BCKDHB: variants seen among roughly 807,000 people sequenced by gnomAD.
BCKDHB encodes the protein 2-oxoisovalerate dehydrogenase subunit beta, mitochondrial.
Under a neutral mutation model 48.5 loss-of-function variants are expected in BCKDHB, and 41 were observed. The observed-to-expected ratio is 0.85, with a 90% confidence interval of 0.66 to 1.10. The LOEUF (loss-of-function observed/expected upper bound fraction) is 1.10, where lower values mean the gene tolerates loss of function less well. BCKDHB is among the 50% of genes least tolerant of loss of function. BCKDHB has a pLI of 0.00. For missense variants in BCKDHB, 496 were observed against 494.2 expected, an observed-to-expected ratio of 1.00 and a Z score of -0.03; for synonymous variants, 201 against 174.8, an observed-to-expected ratio of 1.15 and a Z score of -1.18.
the BCKDHB span, among the ~76,000 whole-genome samples, chr6:80,436,639 T>A: frequency 1.3e-5 from 2 of 152,202 alleles, no homozygotes; most frequent in South Asian, 4.1e-4. Context: ...TTTAGAGGAA[T>A]TTTTAAGCCT....
chr6:80,254,057 T>TA (rs1416940205), intron 8 of BCKDHB, among the ~76,000 whole-genome samples: 1 of 152,020 alleles, frequency 6.6e-6, no homozygotes, highest in Non-Finnish European at 1.5e-5. Context: ...GTTTATGTTT[T>TA]ATCGAGGCAT....
chr6:80,290,207 A>T (rs1277933702), intron 9 of BCKDHB, among the ~76,000 whole-genome samples: 1 of 151,926 alleles, frequency 6.6e-6, no homozygotes, highest in African/African-American at 2.4e-5. Flanking sequence ...TGTGGCCAGC[A>T]CTCAAGTCAG....
the BCKDHB span, among the ~76,000 whole-genome samples, chr6:80,388,513 G>GAAA: frequency 6.6e-6 from 1 of 152,158 alleles, no homozygotes; most frequent in African/African-American, 2.4e-5. Flanking sequence ...ATCATGAACT[G>GAAA]GGTGCTTTCT....
chr6:80,125,304 G>A (rs938133807), intron 1 of BCKDHB, among the ~76,000 whole-genome samples: 1 of 152,116 alleles, frequency 6.6e-6, no homozygotes, highest in Non-Finnish European at 1.5e-5. Flanking sequence ...ACTTGCCCTG[G>A]ATTAGGCTTT....
At chr6:80,411,387 G>T in the BCKDHB span, among the ~76,000 whole-genome samples, 2 of 152,306 alleles carry the variant, frequency 1.3e-5, no homozygotes, top group South Asian at 2.1e-4. Flanking sequence ...GCCCCTACTG[G>T]GAGGTGTCTC....
the BCKDHB span, among the ~76,000 whole-genome samples, chr6:80,427,180 C>T: frequency 6.6e-6 from 1 of 152,018 alleles, no homozygotes; most frequent in Non-Finnish European, 1.5e-5. Context: ...TCTGCTTAGG[C>T]CTAAATGGTA....
chr6:80,190,447 C>T (rs148201574), intron 6 of BCKDHB, among the ~76,000 whole-genome samples: 11 of 152,036 alleles, frequency 7.2e-5, no homozygotes, highest in East Asian at 1.9e-4. Flanking sequence ...GAGCTTGGAC[C>T]GCTGAGTGGC....
chr6:80,230,769 C>T (rs1474231138), intron 8 of BCKDHB, among the ~76,000 whole-genome samples: 6 of 152,254 alleles, frequency 3.9e-5, no homozygotes, highest in African/African-American at 1.2e-4. Flanking sequence ...AAAGAGAGCA[C>T]GTGCAAGAGA....
chr6:80,322,380 A>C (rs1444333457), intron 9 of BCKDHB, among the ~76,000 whole-genome samples: 1 of 151,594 alleles, frequency 6.6e-6, no homozygotes, highest in African/African-American at 2.4e-5. Flanking sequence ...CTGGGATTAC[A>C]GGCGCGCACC....
chr6:80,115,971 G>C (rs941157906), intron 1 of BCKDHB, among the ~76,000 whole-genome samples: 10 of 152,166 alleles, frequency 6.6e-5, no homozygotes, highest in African/African-American at 2.4e-4. Context: ...CAGTACAGAG[G>C]AAAGCCAGTG....
At chr6:80,465,925 T>A in the BCKDHB span, 11 of 152,208 alleles carry the variant, frequency 7.2e-5, no homozygotes, top group African/African-American at 2.7e-4. Flanking sequence ...CCTCCTGTGA[T>A]GTGACCTCAC....
At chr6:80,427,424 C>G in the BCKDHB span, among the ~76,000 whole-genome samples, 1 of 151,968 alleles carries the variant, frequency 6.6e-6, no homozygotes, top group Non-Finnish European at 1.5e-5. Flanking sequence ...TTTACTTGTA[C>G]GTGTTATAAA....
At chr6:80,144,044 A>G (rs1771348633) in intron 3 of BCKDHB, among the ~76,000 whole-genome samples, 1 of 152,164 alleles carries the variant, frequency 6.6e-6, no homozygotes, top group Non-Finnish European at 1.5e-5. Flanking sequence ...TCCTTAATCA[A>G]TATCCTATAG....
intron 9 of BCKDHB, among the ~76,000 whole-genome samples, chr6:80,313,464 G>A (rs571000581): frequency 2.0e-4 from 30 of 152,130 alleles, no homozygotes; most frequent in South Asian, 4.2e-4. Context: ...GGGTTCAAGC[G>A]ATTCTCCTGC....
At chr6:80,294,068 A>C (rs1006278706) in intron 9 of BCKDHB, among the ~76,000 whole-genome samples, 4 of 151,954 alleles carry the variant, frequency 2.6e-5, no homozygotes, top group African/African-American at 4.8e-5. Context: ...AACTGTTCCA[A>C]CCTCTGCCTA....
intron 9 of BCKDHB, among the ~76,000 whole-genome samples, chr6:80,321,340 T>G (rs1768707684): frequency 6.6e-6 from 1 of 152,208 alleles, no homozygotes; most frequent in Non-Finnish European, 1.5e-5. Context: ...TTGGGATCTT[T>G]CCTCAATTCT....
At chr6:80,374,029 T>G in the BCKDHB span, 2 of 647,428 alleles carry the variant, frequency 3.1e-6, no homozygotes, top group Admixed American at 3.6e-5. Flanking sequence ...TCCCATGCCA[T>G]AAGTTTTTGT....
chr6:80,197,392 A>G (rs951776236), intron 6 of BCKDHB, among the ~76,000 whole-genome samples: 1 of 150,934 alleles, frequency 6.6e-6, no homozygotes, highest in African/African-American at 2.4e-5. Context: ...TTCTTATTGT[A>G]AGTATGGTGT....
intron 6 of BCKDHB, among the ~76,000 whole-genome samples, chr6:80,173,024 T>C (rs796223932): frequency 7.2e-5 from 11 of 152,288 alleles, no homozygotes; most frequent in African/African-American, 2.2e-4. Context: ...ATTATAGTTA[T>C]AATGCCAGCC....
Sources: allele counts gnomAD v4.1 joint callset (sites outside exome capture counted in the v4.1 genomes callset), GRCh38; gene constraint gnomAD v4.1.1; transcripts MANE v1.5; gene names NCBI Gene and HGNC (gene_info 2026-07-23, HGNC 2026-07-21).